The following GABRA3 variants were observed in gnomAD, a reference collection of about 807,000 sequenced individuals.
The protein encoded by GABRA3 is gamma-aminobutyric acid type A receptor subunit alpha3, also known as gamma-aminobutyric acid receptor subunit alpha-3.
GABRA3 carries 10 observed loss-of-function variants against 30.1 expected under a neutral mutation model. The observed-to-expected ratio is 0.33, with a 90% CI of 0.20 to 0.56. The LOEUF (loss-of-function observed/expected upper bound fraction) is 0.56. Among genes scored for constraint, GABRA3 ranks in the 20% least tolerant of loss-of-function variants. GABRA3 has a pLI of 0.89. For synonymous variants in GABRA3, 151 were observed against 146.8 expected, an observed-to-expected ratio of 1.03 and a Z score of -0.21; for missense variants, 233 against 392.0, an observed-to-expected ratio of 0.59 and a Z score of 3.42.
intron 1 of GABRA3, among the ~76,000 whole-genome samples, chrX:152,368,834 T>G: frequency 9.4e-6 from 1 of 106,099 alleles, no homozygotes; most frequent in South Asian, 4.3e-4. Context: ...GCCTCCCGAG[T>G]AGCTGGGACT....
At chrX:152,266,263 C>T (rs760924558) in intron 4 of GABRA3, among the ~76,000 whole-genome samples, 1 of 111,962 alleles carries the variant, frequency 8.9e-6, no homozygotes, top group Non-Finnish European at 1.9e-5. Context: ...TTCAACAACA[C>T]ATTAAAAAGA....
At chrX:152,406,800 C>T (rs1040333880) in intron 1 of GABRA3, among the ~76,000 whole-genome samples, 1 of 110,511 alleles carries the variant, frequency 9.0e-6, no homozygotes, top group Non-Finnish European at 1.9e-5. Flanking sequence ...CTGGAGAATA[C>T]ACATTCTTCT....
At position 152,315,971 on chromosome X, in the gene GABRA3, ACCCCC is replaced by A. The variant is rs58520094; in HGVS notation, c.262+29605_262+29609del. On this transcript the variant is annotated intron_variant, in intron 3 of 9. Transcript: ENST00000370314. ...TTGGGAGTTTTAGGCCCGCCCCCCG[ACCCCC>A]CCCCCCCCCACCACATGATCCTCTC... is the stretch of plus-strand genomic sequence containing the variant. Among the ~76,000 whole-genome samples the A allele has an allele frequency of 3.4e-4, 10 of 29,789 alleles. 2 individuals carry two copies. The highest frequency in any genetic ancestry group is 1.2e-3 in the Admixed American group (2 of 1,683). The allele number at this position is 29,789 out of a possible 115,157, so 25.9% of individuals were successfully genotyped here.
chrX:152,234,289 T>G (rs1349877758), intron 5 of GABRA3, among the ~76,000 whole-genome samples: 1 of 111,150 alleles, frequency 9.0e-6, no homozygotes, highest in Non-Finnish European at 1.9e-5. Context: ...TGTCAGTTCT[T>G]GTCCTTTGCC....
At chrX:152,172,173 A>C (rs985512333) in intron 9 of GABRA3, among the ~76,000 whole-genome samples, 1 of 112,033 alleles carries the variant, frequency 8.9e-6, no homozygotes, top group African/African-American at 3.2e-5. Flanking sequence ...ATCTCCAAAA[A>C]AGATTTACAA....
chrX:152,227,387 T>TGGGGGGA (rs1569361755), intron 5 of GABRA3, among the ~76,000 whole-genome samples: 1 of 27,568 alleles, frequency 3.6e-5, no homozygotes, highest in Non-Finnish European at 6.1e-5. Flanking sequence ...TGTTGTGGGG[T>TGGGGGGA]GGGGGGAGGG....
rs1260375709 is a variant in GABRA3 at position 152,319,960 on chromosome X, A to C, written c.262+25621T>G. ...AAAAGAAGATATACAAATGGCCAAC[A>C]AACATGAAAAAATGCTCAACATCAC... On this transcript the variant is annotated intron_variant, in intron 3 of 9. Coordinates refer to ENST00000370314, the MANE Select transcript of GABRA3 (RefSeq NM_000808.4). Among the ~76,000 whole-genome samples, 15 of 111,956 alleles carry C rather than the reference A, an allele frequency of 1.3e-4. No individual in the cohort carries two copies. The Admixed American group carries it at 1.4e-3, about 11-fold the overall frequency.
intron 4 of GABRA3, among the ~76,000 whole-genome samples, chrX:152,264,875 G>T (rs1189794519): frequency 1.8e-5 from 2 of 110,879 alleles, no homozygotes; most frequent in African/African-American, 6.5e-5. Context: ...TAGATATCAA[G>T]AAAAAAACTA....
intron 3 of GABRA3, among the ~76,000 whole-genome samples, chrX:152,314,963 AT>A (rs1939851005): frequency 9.0e-6 from 1 of 110,772 alleles, no homozygotes; most frequent in African/African-American, 3.3e-5. Flanking sequence ...GAATAAAAAG[AT>A]TTTTTTTCTA....
intron 1 of GABRA3, among the ~76,000 whole-genome samples, chrX:152,402,128 C>T (rs1474062102): frequency 5.4e-5 from 6 of 111,985 alleles, no homozygotes; most frequent in African/African-American, 2.0e-4. Context: ...TTTCATATGT[C>T]CAAATGAAGA....
chrX:152,295,314 G>A (rs192790293), intron 3 of GABRA3, among the ~76,000 whole-genome samples: 2 of 112,650 alleles, frequency 1.8e-5, no homozygotes, highest in Admixed American at 1.9e-4. Context: ...GGAGACTACA[G>A]AGGCAGCTGG....
rs1347400108 is a variant in GABRA3, at chrX:152,407,274, G to T, written c.-26-42678C>A. 3.6e-5 allele frequency among the ~76,000 whole-genome samples: 4 copies of T among 110,608 alleles called. No individual in the cohort carries two copies. In the Admixed American group the frequency reaches 3.8e-4, roughly 11 times the overall value. On this transcript the variant is annotated intron_variant, in intron 1 of 9. Coordinates refer to ENST00000370314, the MANE Select transcript of GABRA3 (RefSeq NM_000808.4). ...ATATTGACACTAAAAAAATACAAAAGATCACCAAAATGAAAACTTGTTTTT... is the reference window on the plus strand; with the variant it reads ...ATATTGACACTAAAAAAATACAAAATATCACCAAAATGAAAACTTGTTTTT...
At chrX:152,272,759 CA>C (rs1238411493) in intron 4 of GABRA3, among the ~76,000 whole-genome samples, 1 of 111,095 alleles carries the variant, frequency 9.0e-6, no homozygotes, top group Non-Finnish European at 1.9e-5. Flanking sequence ...GAAATTGAAT[CA>C]GGGGGCAGGT....
chrX:152,290,416 C>T (rs1272531494), intron 3 of GABRA3, among the ~76,000 whole-genome samples: 8 of 111,691 alleles, frequency 7.2e-5, no homozygotes, highest in African/African-American at 1.3e-4. Context: ...GATATCAGCC[C>T]TTTGTCAGAT....
At chrX:152,224,737 CAG>C (rs55983378) in intron 6 of GABRA3, 24 bp downstream of exon 6, 2,860 of 953,104 alleles carry the variant, frequency 3.0e-3, no homozygotes, top group Non-Finnish European at 3.4e-3. Flanking sequence ...AAAAAAAAGA[CAG>C]AGAGAGAGAG....
chrX:152,182,099 T>C (rs896714770), intron 9 of GABRA3, among the ~76,000 whole-genome samples: 15 of 110,342 alleles, frequency 1.4e-4, no homozygotes, highest in Non-Finnish European at 2.5e-4. Context: ...TGAAAGAATG[T>C]TGAATTTTGT....
intron 3 of GABRA3, among the ~76,000 whole-genome samples, chrX:152,327,347 G>A (rs776718831): frequency 1.7e-4 from 19 of 110,920 alleles, no homozygotes; most frequent in South Asian, 1.5e-3. Context: ...TGCACCAAGC[G>A]GACCTAATAG....
chrX:152,294,187 G>C (rs1213678101), intron 3 of GABRA3, among the ~76,000 whole-genome samples: 1 of 111,294 alleles, frequency 9.0e-6, no homozygotes, highest in Non-Finnish European at 1.9e-5. Context: ...TGCTAGGTTG[G>C]GGAAGTTCTC....
At chrX:152,174,951 C>A (rs1181087605) in intron 9 of GABRA3, among the ~76,000 whole-genome samples, 3 of 111,895 alleles carry the variant, frequency 2.7e-5, no homozygotes, top group Non-Finnish European at 5.6e-5. Context: ...TTTAATCCAT[C>A]TTGAATTAAT....
Sources: gnomAD v4.1 joint callset for allele counts (sites outside exome capture counted in the v4.1 genomes callset) on GRCh38, gnomAD v4.1.1 for gene constraint, MANE v1.5 for transcripts, NCBI Gene and HGNC (gene_info 2026-07-23, HGNC 2026-07-21) for gene names.